Variants in FTO observed in about 807,000 individuals in gnomAD.
The protein encoded by FTO is FTO alpha-ketoglutarate dependent dioxygenase.
Under a neutral mutation model 63.9 loss-of-function variants are expected in FTO, and 47 were observed. The observed-to-expected ratio is 0.74, with a 90% CI of 0.58 to 0.94. The LOEUF (loss-of-function observed/expected upper bound fraction) is 0.94. Among genes scored for constraint, FTO ranks in the 40% least tolerant of loss-of-function variants. The probability of loss-of-function intolerance (pLI) is 0.00; values close to 1 mark genes in which losing one functional copy is unlikely to be tolerated. For missense variants in FTO, 562 were observed against 618.1 expected (o/e 0.91, Z 0.96); for synonymous variants, 207 against 224.4 (o/e 0.92, Z 0.69).
At chr16:53,966,560 TTCTC>T (rs1467926813) in intron 8 of FTO, among the ~76,000 whole-genome samples, 1 of 152,238 alleles carries the variant, frequency 6.6e-6, no homozygotes, top group Non-Finnish European at 1.5e-5. Context: ...GAGCAGGTCT[TTCTC>T]TATTAGCACA....
intron 8 of FTO, among the ~76,000 whole-genome samples, chr16:53,975,007 A>G (rs2083403640): frequency 6.6e-6 from 1 of 152,128 alleles, no homozygotes. Flanking sequence ...TTGTTTGTGT[A>G]TTTAATACTA....
intron 6 of FTO, among the ~76,000 whole-genome samples, chr16:53,887,457 G>C (rs1181411609): frequency 6.6e-6 from 1 of 152,158 alleles, no homozygotes; most frequent in Non-Finnish European, 1.5e-5. Context: ...TTTGGGGGAA[G>C]GGATGGGTGG....
Position 53,737,919 on chromosome 16 carries a change from G to T in FTO, c.45+33690G>T, listed in dbSNP as rs1407194679. Among the ~76,000 whole-genome samples the T allele has an allele frequency of 3.3e-5, 5 of 151,656 alleles. No homozygotes were observed. In the East Asian group the frequency reaches 9.7e-4, roughly 29 times the overall value. On this transcript the variant is annotated intron_variant, in intron 1 of 8. Transcript: ENST00000471389. ...TTCCACTTAGCATGATGTTTTCAAG[G>T]TTCATCTATGTTGTAGAATGTATAA... is the stretch of plus-strand genomic sequence containing the variant.
intron 1 of FTO, among the ~76,000 whole-genome samples, chr16:53,782,229 A>G (rs2077606772): frequency 6.6e-6 from 1 of 152,164 alleles, no homozygotes; most frequent in African/African-American, 2.4e-5. Flanking sequence ...ATGTTTATTG[A>G]ATGAGAGAAT....
At chr16:53,833,841 A>G (rs1384309532) in intron 3 of FTO, among the ~76,000 whole-genome samples, 1 of 152,164 alleles carries the variant, frequency 6.6e-6, no homozygotes, top group Non-Finnish European at 1.5e-5. Context: ...GATGTTGAAC[A>G]TCTTTTCATG....
At chr16:53,979,356 C>T (rs2083492403) in intron 8 of FTO, 1 of 398,204 alleles carries the variant, frequency 2.5e-6, no homozygotes, top group South Asian at 1.3e-4. Flanking sequence ...AAAATATTGC[C>T]AATTTGATTT....
intron 1 of FTO, among the ~76,000 whole-genome samples, chr16:53,727,452 C>G (rs1303996911): frequency 6.6e-6 from 1 of 152,102 alleles, no homozygotes; most frequent in African/African-American, 2.4e-5. Context: ...CTCTTTTTTC[C>G]ACATGGTAGG....
chr16:54,101,109 G>A (rs1352371571), intron 8 of FTO, among the ~76,000 whole-genome samples: 1 of 149,484 alleles, frequency 6.7e-6, no homozygotes, highest in African/African-American at 2.5e-5. Context: ...AGAGGAACTG[G>A]GTTTTTTTCT....
chr16:53,834,923 G>C (rs2079248865), intron 3 of FTO, among the ~76,000 whole-genome samples: 1 of 152,066 alleles, frequency 6.6e-6, no homozygotes, highest in Non-Finnish European at 1.5e-5. Flanking sequence ...TCCCATTATA[G>C]ATTTACTGTA....
At chr16:54,007,913 C>T (rs2084248187) in intron 8 of FTO, among the ~76,000 whole-genome samples, 1 of 152,212 alleles carries the variant, frequency 6.6e-6, no homozygotes, top group Admixed American at 6.5e-5. Flanking sequence ...TTTGGACTAA[C>T]AATTAAACTC....
chr16:53,874,098 T>C (rs1029180224), intron 5 of FTO, among the ~76,000 whole-genome samples: 7 of 152,224 alleles, frequency 4.6e-5, no homozygotes, highest in African/African-American at 1.7e-4. Context: ...GTTATGTTTC[T>C]TGGAGAAGGA....
At chr16:54,093,539 G>A (rs1011155152) in intron 8 of FTO, among the ~76,000 whole-genome samples, 3 of 152,192 alleles carry the variant, frequency 2.0e-5, no homozygotes, top group Non-Finnish European at 2.9e-5. Flanking sequence ...AGTCCCAGCT[G>A]ACCCCACTCC....
At chr16:53,880,431 C>T (rs928884610) in intron 6 of FTO, among the ~76,000 whole-genome samples, 2 of 152,166 alleles carry the variant, frequency 1.3e-5, no homozygotes, top group African/African-American at 4.8e-5. Flanking sequence ...TTACGTATAT[C>T]AATAGCAGTC....
intron 8 of FTO, among the ~76,000 whole-genome samples, chr16:54,029,794 T>C (rs1348110190): frequency 2.0e-5 from 3 of 152,128 alleles, no homozygotes; most frequent in Non-Finnish European, 4.4e-5. Flanking sequence ...AATAACTGAG[T>C]GCCACAGACT....
At chr16:53,996,774 G>A (rs552363665) in intron 8 of FTO, among the ~76,000 whole-genome samples, 1 of 152,140 alleles carries the variant, frequency 6.6e-6, no homozygotes, top group African/African-American at 2.4e-5. Flanking sequence ...TGGCAGCAAG[G>A]AGAAGTGTCG....
At position 54,116,760 on chromosome 16, in the gene FTO, G is replaced by A. The variant is rs150494200; in HGVS notation, c.*4845G>A. ...GTTCTCTCGCTCACCTGAGACACCC[G>A]ATAGATTCCTGGAAACTCCAGGAAA... On this transcript the variant is annotated 3_prime_UTR_variant, in exon 9 of 9. Coordinates refer to ENST00000471389, the MANE Select transcript of FTO (RefSeq NM_001080432.3). 2.0e-5 allele frequency: 3 copies of A among 152,106 alleles called. No homozygotes were observed. Among genetic ancestry groups the A allele is most frequent in the Non-Finnish European group, 1.5e-5 (1 of 68,036 alleles). The allele number at this position is 152,106 out of a possible 1,614,324, so 9.4% of individuals were successfully genotyped here.
intron 8 of FTO, among the ~76,000 whole-genome samples, chr16:54,074,734 T>C (rs7196684): frequency 0.1 from 15,279 of 152,170 alleles, 1,431 homozygotes; most frequent in African/African-American, 0.25. Context: ...TAAGGATAGA[T>C]TCCTAGAAAT....
At chr16:53,890,233 A>G (rs891101686) in intron 7 of FTO, among the ~76,000 whole-genome samples, 1 of 152,208 alleles carries the variant, frequency 6.6e-6, no homozygotes. Flanking sequence ...GCTATTGCTA[A>G]TCCCTATTTT....
At chr16:53,715,308 T>C (rs531193586) in intron 1 of FTO, among the ~76,000 whole-genome samples, 1 of 152,338 alleles carries the variant, frequency 6.6e-6, no homozygotes, top group African/African-American at 2.4e-5. Context: ...TGGTGTTTTA[T>C]GTTCCTCTGG....
Sources: gnomAD v4.1 joint callset for allele counts (sites outside exome capture counted in the v4.1 genomes callset) on GRCh38, gnomAD v4.1.1 for gene constraint, MANE v1.5 for transcripts, NCBI Gene and HGNC (gene_info 2026-07-23, HGNC 2026-07-21) for gene names.